CSNK1G3: variants seen among roughly 807,000 people sequenced by gnomAD.
CSNK1G3 encodes the protein casein kinase 1 gamma 3, also known as casein kinase I isoform gamma-3.
In CSNK1G3, 23 loss-of-function variants were observed where a neutral mutation model predicts 64.3. That is an observed-to-expected ratio of 0.36 (90% CI 0.26 to 0.51). The LOEUF is 0.51. Ranked by LOEUF, CSNK1G3 falls within the 20% of genes least tolerant of loss-of-function variation. The pLI is 0.96. For missense variants in CSNK1G3, 357 were observed against 510.5 expected, an observed-to-expected ratio of 0.70 and a Z score of 2.90; for synonymous variants, 158 against 162.2, an observed-to-expected ratio of 0.97 and a Z score of 0.20.
intron 1 of CSNK1G3, among the ~76,000 whole-genome samples, chr5:123,526,247 A>G (rs1664453696): frequency 1.3e-5 from 2 of 151,866 alleles, no homozygotes. Flanking sequence ...TTGTAGACAC[A>G]GGGTCTTGGT....
At chr5:123,531,350 T>C (rs993801282) in intron 1 of CSNK1G3, among the ~76,000 whole-genome samples, 6 of 152,054 alleles carry the variant, frequency 3.9e-5, no homozygotes, top group Non-Finnish European at 8.8e-5. Context: ...GTTTGCAGTC[T>C]TAAGGAGGTC....
At chr5:123,514,097 T>TC (rs1287467217) in intron 1 of CSNK1G3, among the ~76,000 whole-genome samples, 2 of 152,250 alleles carry the variant, frequency 1.3e-5, no homozygotes, top group Non-Finnish European at 2.9e-5. Flanking sequence ...TAGCAGAATG[T>TC]ACAGACACTT....
At chr5:123,529,256 T>C (rs1443873845) in intron 1 of CSNK1G3, among the ~76,000 whole-genome samples, 2 of 152,182 alleles carry the variant, frequency 1.3e-5, no homozygotes, top group Admixed American at 1.3e-4. Flanking sequence ...TACGTATTGA[T>C]TGGTTGATGA....
chr5:123,579,315 G>T (rs1789802957), intron 6 of CSNK1G3, among the ~76,000 whole-genome samples: 2 of 145,338 alleles, frequency 1.4e-5, no homozygotes, highest in Admixed American at 6.9e-5. Flanking sequence ...TTTAAGAAAA[G>T]TAAGTTTCAA....
At chr5:123,526,834 T>C (rs1405506141) in intron 1 of CSNK1G3, among the ~76,000 whole-genome samples, 2 of 140,210 alleles carry the variant, frequency 1.4e-5, no homozygotes, top group Non-Finnish European at 3.0e-5. Context: ...TTCATTCATG[T>C]ACAGATTGTG....
chr5:123,538,337 A>T (rs1185012728), intron 1 of CSNK1G3, among the ~76,000 whole-genome samples: 2 of 152,162 alleles, frequency 1.3e-5, no homozygotes, highest in African/African-American at 4.8e-5. Context: ...CCAACACTTG[A>T]TATTGTCAGT....
At chr5:123,558,001 T>G (rs1784946516) in intron 4 of CSNK1G3, among the ~76,000 whole-genome samples, 1 of 152,140 alleles carries the variant, frequency 6.6e-6, no homozygotes, top group Admixed American at 6.6e-5. Flanking sequence ...GAGAGATTAT[T>G]CTGGATTATC....
chr5:123,577,929 A>G (rs1789500477), intron 6 of CSNK1G3, among the ~76,000 whole-genome samples: 1 of 151,972 alleles, frequency 6.6e-6, no homozygotes, highest in Non-Finnish European at 1.5e-5. Flanking sequence ...CTATCACAAC[A>G]GATGAGTTTT....
chr5:123,551,143 A>G (rs1191795147), intron 2 of CSNK1G3, among the ~76,000 whole-genome samples: 1 of 152,194 alleles, frequency 6.6e-6, no homozygotes, highest in Non-Finnish European at 1.5e-5. Context: ...AGTTATGAAA[A>G]GATGATAATA....
At chr5:123,516,820 A>G (rs1021200602) in intron 1 of CSNK1G3, among the ~76,000 whole-genome samples, 2 of 152,176 alleles carry the variant, frequency 1.3e-5, no homozygotes, top group Non-Finnish European at 2.9e-5. Context: ...ACAAAGTTTA[A>G]TGTTTTTTTT....
intron 4 of CSNK1G3, among the ~76,000 whole-genome samples, chr5:123,568,293 C>T (rs536297375): frequency 6.6e-6 from 1 of 152,218 alleles, no homozygotes; most frequent in East Asian, 1.9e-4. Flanking sequence ...CCAGACGTGA[C>T]TATGACCTTT....
chr5:123,559,982 AT>A (rs1398163979), intron 4 of CSNK1G3, among the ~76,000 whole-genome samples: 1 of 152,152 alleles, frequency 6.6e-6, no homozygotes, highest in African/African-American at 2.4e-5. Context: ...AAATAGATAT[AT>A]TTAAGTAATA....
At chr5:123,549,433 T>A (rs80025107) in intron 2 of CSNK1G3, among the ~76,000 whole-genome samples, 34,212 of 152,068 alleles carry the variant, frequency 0.22, 4,100 homozygotes, top group African/African-American at 0.28. Flanking sequence ...TGATATGTGC[T>A]CTAACCAATC....
chr5:123,587,119 T>C (rs1373837339), intron 6 of CSNK1G3, among the ~76,000 whole-genome samples: 1 of 152,176 alleles, frequency 6.6e-6, no homozygotes, highest in Non-Finnish European at 1.5e-5. Context: ...CCAAACCATA[T>C]CAACAAGTAT....
At chr5:123,605,954 C>T (rs1795298261) in intron 12 of CSNK1G3, among the ~76,000 whole-genome samples, 1 of 152,148 alleles carries the variant, frequency 6.6e-6, no homozygotes, top group South Asian at 2.1e-4. Context: ...TATTTTCTGA[C>T]ATTTGCCTTT....
At chr5:123,517,932 A>G (rs1028852514) in intron 1 of CSNK1G3, among the ~76,000 whole-genome samples, 26 of 77,194 alleles carry the variant, frequency 3.4e-4, no homozygotes, top group African/African-American at 7.8e-4. Flanking sequence ...CCTCTTTAAG[A>G]AAAAAAAAAA....
At chr5:123,555,192 CT>C (rs1784410462) in intron 3 of CSNK1G3, among the ~76,000 whole-genome samples, 1 of 152,036 alleles carries the variant, frequency 6.6e-6, no homozygotes, top group Admixed American at 6.6e-5. Flanking sequence ...ATACATTGTT[CT>C]TTGGGGGAAC....
intron 6 of CSNK1G3, among the ~76,000 whole-genome samples, chr5:123,586,559 T>TA (rs1791368109): frequency 6.6e-6 from 1 of 152,014 alleles, no homozygotes; most frequent in African/African-American, 2.4e-5. Flanking sequence ...GTACAAGAAA[T>TA]AAAAAAACCT....
chr5:123,515,526 T>C (rs1225718932), intron 1 of CSNK1G3, among the ~76,000 whole-genome samples: 3 of 152,182 alleles, frequency 2.0e-5, no homozygotes, highest in Admixed American at 1.3e-4. Flanking sequence ...AGAGGGATGA[T>C]AAGATGAGAA....
Sources: allele counts gnomAD v4.1 joint callset (sites outside exome capture counted in the v4.1 genomes callset), GRCh38; gene constraint gnomAD v4.1.1; transcripts MANE v1.5; gene names NCBI Gene and HGNC (gene_info 2026-07-23, HGNC 2026-07-21).